Variants in PRKCE observed in about 807,000 individuals in gnomAD.
PRKCE encodes the protein protein kinase C epsilon type.
PRKCE carries 16 observed loss-of-function variants against 85.4 expected under a neutral mutation model. That is an observed-to-expected ratio of 0.19 (90% CI 0.13 to 0.28). PRKCE has a LOEUF of 0.28. Among genes scored for constraint, PRKCE ranks in the 10% least tolerant of loss-of-function variants. PRKCE has a pLI of 1.00. For missense variants in PRKCE, 573 were observed against 975.2 expected (o/e 0.59, Z 5.49); for synonymous variants, 388 against 371.5 (o/e 1.04, Z -0.51).
chr2:46,080,550 C>T (rs549240049), intron 10 of PRKCE, among the ~76,000 whole-genome samples: 44 of 152,288 alleles, frequency 2.9e-4, no homozygotes, highest in African/African-American at 4.1e-4. Context: ...AGGCATTTGA[C>T]GCAGACATAA....
chr2:45,798,167 A>G (rs1018520049), intron 1 of PRKCE, among the ~76,000 whole-genome samples: 3 of 152,222 alleles, frequency 2.0e-5, no homozygotes, highest in African/African-American at 7.2e-5. Flanking sequence ...ATACAGTGGA[A>G]ACCACTGTTT....
chr2:46,180,226 T>A (rs1679833330), intron 14 of PRKCE, among the ~76,000 whole-genome samples: 1 of 151,650 alleles, frequency 6.6e-6, no homozygotes, highest in South Asian at 2.1e-4. Context: ...GGTGGGGAAA[T>A]TGCATGGATG....
At chr2:45,862,794 A>T (rs914253734) in intron 2 of PRKCE, among the ~76,000 whole-genome samples, 1 of 152,190 alleles carries the variant, frequency 6.6e-6, no homozygotes, top group African/African-American at 2.4e-5. Context: ...GTGTGTGTAC[A>T]TACATGCATG....
chr2:45,910,881 G>A (rs763676385), intron 2 of PRKCE, among the ~76,000 whole-genome samples: 4 of 152,186 alleles, frequency 2.6e-5, no homozygotes, highest in Admixed American at 1.3e-4. Context: ...GCAGCAAACC[G>A]TACAACTTGA....
chr2:46,166,204 G>T (rs539216984), intron 14 of PRKCE, among the ~76,000 whole-genome samples: 104 of 152,330 alleles, frequency 6.8e-4, no homozygotes, highest in Non-Finnish European at 1.3e-3. Flanking sequence ...CTGAGGAGGA[G>T]CCCTGTTGAA....
chr2:45,717,777 T>G (rs1034052513), intron 1 of PRKCE, among the ~76,000 whole-genome samples: 2 of 152,228 alleles, frequency 1.3e-5, no homozygotes, highest in African/African-American at 4.8e-5. Context: ...TCATTAATCT[T>G]TGAGCAAATG....
rs1335468792 is a variant in PRKCE at position 45,697,384 on chromosome 2, C to G, written c.348+44936C>G. Among the ~76,000 whole-genome samples the G allele has an allele frequency of 2.7e-5, 3 of 111,740 alleles. No homozygotes were observed. Among genetic ancestry groups the G allele is most frequent in the Non-Finnish European group, 6.7e-5 (3 of 44,954 alleles). 73.3% of individuals were successfully genotyped at this position (111,740 alleles called of 152,430 possible). ...TGCCTCTTAATGGCGCTCTGACCTT[C>G]TATTGTTTTTGGCCAAAATATGAGT... is the stretch of plus-strand genomic sequence containing the variant. On this transcript the variant is annotated intron_variant, in intron 1 of 14. Transcript: ENST00000306156. The surrounding 1 kb of genome is among the most constrained non-coding windows in gnomAD (Gnocchi z 4.2).
At chr2:45,817,566 C>T (rs1404711060) in intron 1 of PRKCE, among the ~76,000 whole-genome samples, 4 of 152,004 alleles carry the variant, frequency 2.6e-5, no homozygotes, top group Admixed American at 6.6e-5. Context: ...TGGTGGTGGG[C>T]GCCTGTAGTC....
intron 10 of PRKCE, chr2:46,073,884 T>C (rs1464961789): frequency 6.6e-6 from 1 of 152,206 alleles, no homozygotes; most frequent in Non-Finnish European, 1.5e-5. Context: ...CCTGAGTAAC[T>C]GCTGCACAGA....
chr2:45,745,424 T>G (rs908204443), intron 1 of PRKCE, among the ~76,000 whole-genome samples: 2 of 152,172 alleles, frequency 1.3e-5, no homozygotes, highest in Non-Finnish European at 2.9e-5. Flanking sequence ...ATCCCTGTTC[T>G]CAACAACATT....
intron 1 of PRKCE, among the ~76,000 whole-genome samples, chr2:45,808,659 T>C (rs1286765595): frequency 6.6e-6 from 1 of 152,162 alleles, no homozygotes; most frequent in African/African-American, 2.4e-5. Context: ...GAGGGCTGTC[T>C]CTGCACGTGA....
chr2:45,824,421 G>T (rs1232377567), intron 1 of PRKCE, among the ~76,000 whole-genome samples: 1 of 152,160 alleles, frequency 6.6e-6, no homozygotes, highest in African/African-American at 2.4e-5. Flanking sequence ...GCAGCTCGGG[G>T]AGTCTCTTAA....
chr2:45,713,542 A>G (rs1679841692), intron 1 of PRKCE, among the ~76,000 whole-genome samples: 1 of 152,172 alleles, frequency 6.6e-6, no homozygotes, highest in African/African-American at 2.4e-5. Flanking sequence ...AAAAAAGTGG[A>G]TGGTATTAAA....
chr2:45,653,290 C>CCAAATG (rs1409693987), intron 1 of PRKCE, among the ~76,000 whole-genome samples: 3 of 150,954 alleles, frequency 2.0e-5, no homozygotes, highest in Non-Finnish European at 4.4e-5. Context: ...CTACTATAAA[C>CCAAATG]CAAATGCATC....
intron 2 of PRKCE, among the ~76,000 whole-genome samples, chr2:45,870,906 C>G (rs1694042508): frequency 6.6e-6 from 1 of 152,126 alleles, no homozygotes. Context: ...GGGAGTAAAC[C>G]CCAGTGGAAC....
At chr2:46,050,426 C>T (rs930169764) in intron 10 of PRKCE, among the ~76,000 whole-genome samples, 6 of 152,340 alleles carry the variant, frequency 3.9e-5, no homozygotes, top group Middle Eastern at 3.4e-3. Context: ...CTGTAATCAC[C>T]TTGGAGTTTA....
At chr2:45,700,582 A>G (rs1331721237) in intron 1 of PRKCE, 3 of 152,084 alleles carry the variant, frequency 2.0e-5, no homozygotes, top group African/African-American at 7.2e-5. Context: ...TCATCTAGGA[A>G]ATGAAACTAA....
At chr2:45,675,738 A>C (rs1211091511) in intron 1 of PRKCE, 2 of 152,148 alleles carry the variant, frequency 1.3e-5, no homozygotes, top group Non-Finnish European at 2.9e-5. Flanking sequence ...ATGCCAGAAG[A>C]GTTCAGGCCT....
At chr2:46,015,579 C>T (rs772822138) in intron 10 of PRKCE, among the ~76,000 whole-genome samples, 1 of 150,354 alleles carries the variant, frequency 6.7e-6, no homozygotes, top group Non-Finnish European at 1.5e-5. Flanking sequence ...TTTTCAAATG[C>T]GTTTGAATCA....
Sources: gnomAD v4.1 joint callset for allele counts (sites outside exome capture counted in the v4.1 genomes callset) on GRCh38, gnomAD v4.1.1 for gene constraint, Gnocchi (gnomAD v3.1) non-coding constraint, MANE v1.5 for transcripts, NCBI Gene and HGNC (gene_info 2026-07-23, HGNC 2026-07-21) for gene names.